The following LDLRAD3 variants were observed in gnomAD, a reference collection of about 807,000 sequenced individuals.
The protein encoded by LDLRAD3 is low-density lipoprotein receptor class A domain-containing protein 3.
LDLRAD3 carries 20 observed loss-of-function variants against 29.4 expected under a neutral mutation model. The observed-to-expected ratio is 0.68, with a 90% CI of 0.48 to 0.99. The LOEUF is 0.99. Among genes scored for constraint, LDLRAD3 ranks in the 50% least tolerant of loss-of-function variants. The pLI is 0.00. For missense variants in LDLRAD3, 420 were observed against 454.3 expected (o/e 0.92, Z 0.69); for synonymous variants, 157 against 192.7 (o/e 0.81, Z 1.53).
intron 2 of LDLRAD3, among the ~76,000 whole-genome samples, chr11:36,070,414 G>A (rs1192390052): frequency 6.6e-6 from 1 of 152,204 alleles, no homozygotes; most frequent in Non-Finnish European, 1.5e-5. Context: ...GAAGAGAGCA[G>A]TGTTGAAATG....
chr11:35,984,149 T>G (rs1035078702), intron 1 of LDLRAD3, among the ~76,000 whole-genome samples: 1 of 152,128 alleles, frequency 6.6e-6, no homozygotes, highest in African/African-American at 2.4e-5. Flanking sequence ...CCAGCAAACA[T>G]TTTAGAAAGG....
intron 4 of LDLRAD3, among the ~76,000 whole-genome samples, chr11:36,153,029 G>C (rs932900720): frequency 6.6e-6 from 1 of 152,018 alleles, no homozygotes; most frequent in East Asian, 1.9e-4. Context: ...TGCTCACCTG[G>C]GTTCCACTCC....
chr11:36,132,923 C>T (rs1853947451), intron 4 of LDLRAD3, among the ~76,000 whole-genome samples: 1 of 152,228 alleles, frequency 6.6e-6, no homozygotes, highest in Non-Finnish European at 1.5e-5. Flanking sequence ...CAAGTGACTT[C>T]CTCTCCCCAG....
chr11:36,128,551 C>G (rs1853876385), intron 4 of LDLRAD3, among the ~76,000 whole-genome samples: 1 of 152,076 alleles, frequency 6.6e-6, no homozygotes, highest in African/African-American at 2.4e-5. Context: ...AGTTTTTAAT[C>G]AGAAAAACCA....
intron 1 of LDLRAD3, among the ~76,000 whole-genome samples, chr11:35,971,680 A>T (rs1403674928): frequency 6.6e-6 from 1 of 152,178 alleles, no homozygotes; most frequent in African/African-American, 2.4e-5. Context: ...GCATTTTGTG[A>T]TGGCAGTCCC....
rs141316095 is a variant in LDLRAD3, at chr11:36,045,009, C to A, written c.193+8760C>A. On this transcript the variant is annotated intron_variant, in intron 2 of 5. Coordinates refer to ENST00000315571, the MANE Select transcript of LDLRAD3 (RefSeq NM_174902.4). The stretch of plus-strand genomic sequence containing the variant: ...TCACCACACTGGCCTGAAGTCAGCA[C>A]CACTCCCTATGGCCTTCAGCACTGT... Among the ~76,000 whole-genome samples the A allele has an allele frequency of 6.3e-4, 96 of 152,358 alleles. 1 individual carries two copies. In the East Asian group the frequency reaches 0.015, roughly 24 times the overall value.
At chr11:36,121,560 A>T (rs747872758) in intron 4 of LDLRAD3, among the ~76,000 whole-genome samples, 10 of 152,196 alleles carry the variant, frequency 6.6e-5, no homozygotes, top group Non-Finnish European at 1.2e-4. Flanking sequence ...AGGGTGCGCC[A>T]TGAGTATCAA....
chr11:36,170,333 C>CGTATATATGTATATATGTATATATGTAT (rs1565276239), intron 4 of LDLRAD3, among the ~76,000 whole-genome samples: 42 of 142,504 alleles, frequency 2.9e-4, no homozygotes, highest in African/African-American at 1.1e-3. Context: ...TATATATGTA[C>CGTATATATGTATATATGTATATATGTAT]GTATATACGT....
Position 36,229,443 on chromosome 11 carries a change from G to C in LDLRAD3, c.*46G>C. On this transcript the variant is annotated 3_prime_UTR_variant, in exon 6 of 6. Transcript: ENST00000315571. Reference sequence around the variant, plus strand: ...CATATGGGTTAATCTGCTCTGACTTGTTGCCATTCTAACAATTTGTGCTCA... The same window carrying C: ...CATATGGGTTAATCTGCTCTGACTTCTTGCCATTCTAACAATTTGTGCTCA... 7.3e-7 allele frequency: 1 copy of C among 1,362,682 alleles called. No individual in the cohort carries two copies. The highest frequency in any genetic ancestry group is 1.0e-6 in the Non-Finnish European group (1 of 967,568). 84.4% of individuals were successfully genotyped at this position (1,362,682 alleles called of 1,614,324 possible).
chr11:36,011,727 A>T (rs959036270), intron 1 of LDLRAD3, among the ~76,000 whole-genome samples: 5 of 152,218 alleles, frequency 3.3e-5, no homozygotes, highest in Admixed American at 3.3e-4. Flanking sequence ...CCTGATTTGC[A>T]TGCTAGTTCT....
At chr11:35,946,326 G>A (rs1221170968) in intron 1 of LDLRAD3, among the ~76,000 whole-genome samples, 1 of 151,952 alleles carries the variant, frequency 6.6e-6, no homozygotes, top group Non-Finnish European at 1.5e-5. Context: ...CTGATAGTCT[G>A]TGAAAGAATC....
intron 4 of LDLRAD3, among the ~76,000 whole-genome samples, chr11:36,106,859 C>G (rs899976976): frequency 6.6e-6 from 1 of 152,236 alleles, no homozygotes; most frequent in African/African-American, 2.4e-5. Context: ...TGTCCCTGCC[C>G]CGTGGATGCG....
chr11:36,085,830 G>C (rs1775560378), intron 3 of LDLRAD3, among the ~76,000 whole-genome samples: 1 of 151,856 alleles, frequency 6.6e-6, no homozygotes, highest in African/African-American at 2.4e-5. Flanking sequence ...TGTTGCCCAG[G>C]TTGGTCTCAA....
intron 2 of LDLRAD3, among the ~76,000 whole-genome samples, chr11:36,069,551 T>C (rs1469666428): frequency 6.6e-6 from 1 of 152,198 alleles, no homozygotes; most frequent in East Asian, 1.9e-4. Context: ...TAACATATAC[T>C]TTTGATTAGC....
At chr11:36,123,173 C>G (rs1230546328) in intron 4 of LDLRAD3, among the ~76,000 whole-genome samples, 2 of 151,926 alleles carry the variant, frequency 1.3e-5, no homozygotes, top group African/African-American at 4.8e-5. Flanking sequence ...GGCGACAGAG[C>G]GAGACTCCGT....
At chr11:35,976,411 G>A (rs1851476353) in intron 1 of LDLRAD3, among the ~76,000 whole-genome samples, 1 of 152,094 alleles carries the variant, frequency 6.6e-6, no homozygotes, top group African/African-American at 2.4e-5. Flanking sequence ...GTTGGAGCTG[G>A]AAAGTTTCTC....
chr11:36,068,120 C>T (rs572770683), intron 2 of LDLRAD3, among the ~76,000 whole-genome samples: 17 of 152,220 alleles, frequency 1.1e-4, no homozygotes, highest in African/African-American at 3.9e-4. Context: ...AGGAATCATT[C>T]TTGCAGCCCC....
At chr11:36,088,254 G>A (rs72640804) in intron 3 of LDLRAD3, among the ~76,000 whole-genome samples, 3,627 of 151,802 alleles carry the variant, frequency 0.024, 81 homozygotes, top group East Asian at 0.1. Context: ...TCTTTCTTCC[G>A]CTGTCCTCAT....
At chr11:36,053,095 C>G (rs1014229125) in intron 2 of LDLRAD3, among the ~76,000 whole-genome samples, 1 of 151,988 alleles carries the variant, frequency 6.6e-6, no homozygotes, top group Non-Finnish European at 1.5e-5. Context: ...AGCATGGACT[C>G]TTGTCCTTGC....
Sources: allele counts gnomAD v4.1 joint callset (sites outside exome capture counted in the v4.1 genomes callset), GRCh38; gene constraint gnomAD v4.1.1; transcripts MANE v1.5; gene names NCBI Gene and HGNC (gene_info 2026-07-23, HGNC 2026-07-21).